The following RYR2 variants were observed in gnomAD, a reference collection of about 807,000 sequenced individuals.
RYR2 encodes cardiac muscle ryanodine receptor-calcium release channel.
In RYR2, 227 loss-of-function variants were observed where a neutral mutation model predicts 601.1. The observed-to-expected ratio is 0.38, with a 90% CI of 0.34 to 0.42. The LOEUF (loss-of-function observed/expected upper bound fraction) is 0.42. RYR2 is among the 10% of genes least tolerant of loss of function. The pLI is 1.00. For missense variants in RYR2, 4,646 were observed against 6,156.5 expected, an observed-to-expected ratio of 0.75 and a Z score of 8.21; for synonymous variants, 2,223 against 2,175.1, an observed-to-expected ratio of 1.02 and a Z score of -0.61.
intron 87 of RYR2, among the ~76,000 whole-genome samples, chr1:237,775,539 C>T (rs1694593524): frequency 6.6e-6 from 1 of 150,434 alleles, no homozygotes; most frequent in Admixed American, 6.6e-5. Flanking sequence ...TTTTAGATTA[C>T]AGCATTGCGT....
intron 1 of RYR2, among the ~76,000 whole-genome samples, chr1:237,154,938 G>T (rs1393454475): frequency 6.6e-6 from 1 of 152,012 alleles, no homozygotes; most frequent in Non-Finnish European, 1.5e-5. Context: ...TTACAGAAAA[G>T]AAAATAAACA....
In RYR2 at chr1:237,785,896, T is replaced by C. The variant is rs77165819; in HGVS notation, c.13261-73T>C. The stretch of plus-strand genomic sequence containing the variant: ...ATATAGGTTATGGTTTGACACATGG[T>C]CACATGGCTCCCTCAATTCATTCAA... On this transcript the variant is annotated intron_variant, in intron 90 of 104. Transcript: ENST00000366574. The C allele has an allele frequency of 1.8e-3, 1,901 of 1,039,598 alleles. 11 individuals are homozygous for C. The highest frequency in any genetic ancestry group is 5.3e-3 in the South Asian group (395 of 73,946). 64.4% of individuals were successfully genotyped at this position (1,039,598 alleles called of 1,614,324 possible).
At chr1:237,542,738 G>A (rs1390780787) in intron 25 of RYR2, among the ~76,000 whole-genome samples, 3 of 152,166 alleles carry the variant, frequency 2.0e-5, no homozygotes, top group Admixed American at 6.5e-5. Flanking sequence ...CCTATTGGTG[G>A]AGGGAGAAGG....
At chr1:237,304,183 C>T (rs1426921651) in intron 2 of RYR2, among the ~76,000 whole-genome samples, 3 of 152,092 alleles carry the variant, frequency 2.0e-5, no homozygotes, top group Non-Finnish European at 2.9e-5. Context: ...ATGTCATCTC[C>T]CCTGCTTTGA....
intron 100 of RYR2, among the ~76,000 whole-genome samples, chr1:237,818,735 C>T (rs1662111305): frequency 2.0e-5 from 3 of 151,182 alleles, no homozygotes; most frequent in African/African-American, 7.3e-5. Flanking sequence ...CTCATTAGCA[C>T]AGATGGTTCA....
chr1:237,791,100 C>G (rs1249104235), intron 92 of RYR2, among the ~76,000 whole-genome samples: 1 of 152,172 alleles, frequency 6.6e-6, no homozygotes, highest in East Asian at 1.9e-4. Flanking sequence ...CAAAGCTTAC[C>G]TCCTGAGATA....
At chr1:237,184,648 A>G (rs1365946358) in intron 1 of RYR2, among the ~76,000 whole-genome samples, 2 of 152,216 alleles carry the variant, frequency 1.3e-5, no homozygotes, top group Non-Finnish European at 2.9e-5. Flanking sequence ...ATACTGAAGT[A>G]CCATTTGAGG....
chr1:237,809,755 A>C (rs1300132772), intron 100 of RYR2, among the ~76,000 whole-genome samples: 1 of 152,140 alleles, frequency 6.6e-6, no homozygotes, highest in Non-Finnish European at 1.5e-5. Context: ...CTCTAGAAAA[A>C]ATAGCCCAAA....
At chr1:237,611,359 T>C (rs1231810110) in intron 36 of RYR2, among the ~76,000 whole-genome samples, 1 of 152,184 alleles carries the variant, frequency 6.6e-6, no homozygotes, top group Admixed American at 6.5e-5. Flanking sequence ...GATGGAATCA[T>C]AAGAATCACT....
chr1:237,436,404 C>T (rs557085458), intron 12 of RYR2, among the ~76,000 whole-genome samples: 1 of 146,978 alleles, frequency 6.8e-6, no homozygotes, highest in African/African-American at 2.5e-5. Context: ...CACAAACTCA[C>T]TTACCAGAGT....
rs1298609322 is a variant in RYR2, at chr1:237,595,592, G to A, written c.4531G>A (p.Val1511Met). 12 of 1,613,540 alleles carry A rather than the reference G, an allele frequency of 7.4e-6. No individual in the cohort carries two copies. Among genetic ancestry groups the A allele is most frequent in the Non-Finnish European group, 1.0e-5 (12 of 1,179,676 alleles). The change falls in exon 34 of 105, where the codon GTG becomes ATG. Residue 1511 changes from valine (V) to methionine (M), a missense_variant. Physicochemically the swap from Val to Met is conservative, Grantham distance 21 (BLOSUM62 1). Transcript: ENST00000366574. ...NNNGLEIGCV[V>M]DAASGLLTFI... ...TAATGGACTGGAGATTGGCTGTGTG[G>A]TGGATGCTGCCAGCGGGCTGCTCAC... is the stretch of plus-strand genomic sequence containing the variant.
At position 237,316,154 on chromosome 1, in the gene RYR2, T is replaced by C. The variant is rs1695089667; in HGVS notation, c.169-14724T>C. 2.0e-5 allele frequency among the ~76,000 whole-genome samples: 3 copies of C among 152,304 alleles called. No homozygotes were observed. In the South Asian group the frequency reaches 6.2e-4, roughly 32 times the overall value. ...TTAGAAATTACATTGAGAAACTGAA[T>C]TTAAAGTTCCCTTTTATGTCAGAGT... is the stretch of plus-strand genomic sequence containing the variant. On this transcript the variant is annotated intron_variant, in intron 2 of 104. Transcript: ENST00000366574.
chr1:237,211,345 A>C (rs535103508), intron 1 of RYR2, among the ~76,000 whole-genome samples: 51 of 152,340 alleles, frequency 3.3e-4, no homozygotes, highest in African/African-American at 1.2e-3. Flanking sequence ...ACAGAGGCTA[A>C]GATGTGTAGG....
Position 237,726,723 on chromosome 1 carries a change from TAAAG to T in RYR2, c.10726-361_10726-358del, listed in dbSNP as rs534734382. ...AGGCAGAAAATATGTATTAAAATCA[TAAAG>T]AACCAAAGAAAATTTTGAGAAGGAG... On this transcript the variant is annotated intron_variant, in intron 75 of 104. Transcript: ENST00000366574. Among the ~76,000 whole-genome samples the T allele has an allele frequency of 3.0e-3, 460 of 152,192 alleles. 4 individuals carry two copies. The highest frequency in any genetic ancestry group is 9.8e-3 in the African/African-American group (407 of 41,558).
chr1:237,443,227 C>G (rs550394146), intron 13 of RYR2, among the ~76,000 whole-genome samples: 3 of 152,044 alleles, frequency 2.0e-5, no homozygotes, highest in South Asian at 2.1e-4. Flanking sequence ...TTTATCTCAC[C>G]CAGCTCACCT....
intron 52 of RYR2, among the ~76,000 whole-genome samples, chr1:237,655,352 C>T (rs1333480565): frequency 6.6e-6 from 1 of 152,006 alleles, no homozygotes; most frequent in Admixed American, 6.6e-5. Flanking sequence ...TCTTTTCCAG[C>T]TCAGAATTTT....
intron 1 of RYR2, among the ~76,000 whole-genome samples, chr1:237,128,248 C>A (rs916298875): frequency 6.6e-5 from 10 of 152,310 alleles, no homozygotes; most frequent in African/African-American, 2.4e-4. Context: ...GCGGCACGAG[C>A]CTGCGATCGC....
chr1:237,557,572 T>C (rs1335862597), intron 27 of RYR2, among the ~76,000 whole-genome samples: 1 of 151,994 alleles, frequency 6.6e-6, no homozygotes, highest in Non-Finnish European at 1.5e-5. Context: ...TTTTTTTTTT[T>C]TTTTAAATTA....
At chr1:237,056,515 G>A (rs1024279078) in intron 1 of RYR2, among the ~76,000 whole-genome samples, 398 of 142,340 alleles carry the variant, frequency 2.8e-3, no homozygotes, top group Non-Finnish European at 4.4e-3. Flanking sequence ...CACTGCACCT[G>A]TGAGGACTGG....
Sources: allele counts gnomAD v4.1 joint callset (sites outside exome capture counted in the v4.1 genomes callset), GRCh38; gene constraint gnomAD v4.1.1; transcripts MANE v1.5; gene names NCBI Gene and HGNC (gene_info 2026-07-23, HGNC 2026-07-21).